CERS3: variants seen among roughly 807,000 people sequenced by gnomAD.
CERS3 encodes the protein ceramide synthase 3.
In CERS3, 33 loss-of-function variants were observed where a neutral mutation model predicts 50.3. The observed-to-expected ratio is 0.66, with a 90% CI of 0.50 to 0.88. The LOEUF (loss-of-function observed/expected upper bound fraction) is 0.88. CERS3 is among the 40% of genes least tolerant of loss of function. The probability of loss-of-function intolerance (pLI) is 0.00; values close to 1 mark genes in which losing one functional copy is unlikely to be tolerated. For synonymous variants in CERS3, 176 were observed against 155.2 expected (o/e 1.13, Z -0.99); for missense variants, 470 against 460.3 (o/e 1.02, Z -0.19).
intron 4 of CERS3, among the ~76,000 whole-genome samples, chr15:100,490,553 T>G (rs145553334): frequency 2.0e-5 from 3 of 152,160 alleles, no homozygotes; most frequent in Non-Finnish European, 4.4e-5. Context: ...TATTCCCAAA[T>G]TATGGCACTG....
intron 11 of CERS3, among the ~76,000 whole-genome samples, chr15:100,435,171 C>A (rs2033341200): frequency 6.6e-6 from 1 of 152,200 alleles, no homozygotes; most frequent in Non-Finnish European, 1.5e-5. Flanking sequence ...TAGCCCAGCA[C>A]CTCCAAAGAA....
Position 100,446,364 on chromosome 15 carries a change from GTTTT to G in CERS3, c.999+9525_999+9528del, listed in dbSNP as rs11449303. On this transcript the variant is annotated intron_variant, in intron 11 of 11. Coordinates refer to ENST00000679737, the MANE Select transcript of CERS3 (RefSeq NM_001378789.1). ...TTCAGTTCAAGAAGAAACTTCTCAGGTTTTTTTTTTTTTTTTTCTTTAGATTAAC... is the reference window on the plus strand; with the variant it reads ...TTCAGTTCAAGAAGAAACTTCTCAGGTTTTTTTTTTTTTCTTTAGATTAAC... Among the ~76,000 whole-genome samples the G allele has an allele frequency of 3.1e-5, 4 of 128,560 alleles. No individual in the cohort carries two copies. The Admixed American group carries it at 3.3e-4, about 11-fold the overall frequency. The allele number at this position is 128,560 out of a possible 152,430, so 84.3% of individuals were successfully genotyped here.
chr15:100,496,793 T>A (rs369940083), intron 3 of CERS3, among the ~76,000 whole-genome samples: 17 of 152,348 alleles, frequency 1.1e-4, no homozygotes, highest in African/African-American at 4.1e-4. Context: ...AATTTTTGTG[T>A]TGAATTAAAT....
chr15:100,421,215 G>A (rs1311710434), intron 11 of CERS3, among the ~76,000 whole-genome samples: 1 of 151,244 alleles, frequency 6.6e-6, no homozygotes, highest in East Asian at 1.9e-4. Flanking sequence ...TCCTTAAGCT[G>A]ATAAGCAACT....
chr15:100,435,115 A>G (rs973054268), intron 11 of CERS3, among the ~76,000 whole-genome samples: 1 of 152,194 alleles, frequency 6.6e-6, no homozygotes, highest in African/African-American at 2.4e-5. Flanking sequence ...AAGCCCTTTC[A>G]TTTGCAACTG....
chr15:100,436,717 A>G (rs2033423768), intron 11 of CERS3, among the ~76,000 whole-genome samples: 1 of 152,208 alleles, frequency 6.6e-6, no homozygotes, highest in South Asian at 2.1e-4. Flanking sequence ...TTGCATAATC[A>G]TAGTGATAGG....
At chr15:100,518,696 T>C (rs1348375065) in intron 2 of CERS3, among the ~76,000 whole-genome samples, 3 of 152,212 alleles carry the variant, frequency 2.0e-5, no homozygotes, top group Non-Finnish European at 2.9e-5. Flanking sequence ...TACACAGGAT[T>C]TCCTAGCTCG....
chr15:100,463,631 G>C (rs1416717851), intron 10 of CERS3, among the ~76,000 whole-genome samples: 1 of 152,068 alleles, frequency 6.6e-6, no homozygotes, highest in Non-Finnish European at 1.5e-5. Context: ...GCTCTTCTAA[G>C]GGCCCCTGTG....
rs1486855840 is a variant in CERS3, at chr15:100,401,729, T to C, written c.*984A>G. Reference sequence around the variant, plus strand: ...AGCAAGCAACCTGGCCTGGATCCCATTCCCCCGTGGAGGTCCCCAGGTACT... The same window carrying C: ...AGCAAGCAACCTGGCCTGGATCCCACTCCCCCGTGGAGGTCCCCAGGTACT... On this transcript the variant is annotated 3_prime_UTR_variant, in exon 12 of 12. Coordinates refer to ENST00000679737, the MANE Select transcript of CERS3 (RefSeq NM_001378789.1). 1 of 152,302 alleles carries C rather than the reference T, an allele frequency of 6.6e-6. No homozygotes were observed. The highest frequency in any genetic ancestry group is 1.5e-5 in the Non-Finnish European group (1 of 68,210). The allele number at this position is 152,302 out of a possible 1,614,324, so 9.4% of individuals were successfully genotyped here.
intron 11 of CERS3, among the ~76,000 whole-genome samples, chr15:100,410,327 T>C (rs2031382178): frequency 6.6e-6 from 1 of 152,140 alleles, no homozygotes; most frequent in Non-Finnish European, 1.5e-5. Context: ...TGACAAATAT[T>C]ATCAGCTTGG....
At chr15:100,442,388 G>A (rs1027367927) in intron 11 of CERS3, among the ~76,000 whole-genome samples, 5 of 152,172 alleles carry the variant, frequency 3.3e-5, no homozygotes, top group African/African-American at 7.2e-5. Context: ...CGCCTTCAAG[G>A]TGTACAATAA....
chr15:100,440,517 C>T (rs1411176416), intron 11 of CERS3, among the ~76,000 whole-genome samples: 3 of 152,194 alleles, frequency 2.0e-5, no homozygotes, highest in South Asian at 4.1e-4. Context: ...ACTCTCTATT[C>T]GGACTCAGCC....
chr15:100,417,870 CCT>C (rs2032078658), intron 11 of CERS3, among the ~76,000 whole-genome samples: 1 of 151,918 alleles, frequency 6.6e-6, no homozygotes, highest in Non-Finnish European at 1.5e-5. Flanking sequence ...AGCTGAGGGT[CCT>C]CTCTGTTAGA....
At chr15:100,474,301 G>A (rs1050805548) in intron 8 of CERS3, among the ~76,000 whole-genome samples, 1 of 152,166 alleles carries the variant, frequency 6.6e-6, no homozygotes, top group Non-Finnish European at 1.5e-5. Flanking sequence ...TCTCAATAAA[G>A]ATGTTTAAAA....
chr15:100,434,511 C>T (rs2033299125), intron 11 of CERS3, among the ~76,000 whole-genome samples: 2 of 152,220 alleles, frequency 1.3e-5, no homozygotes, highest in Non-Finnish European at 2.9e-5. Flanking sequence ...CACATCTACA[C>T]ACTGAATGAG....
At chr15:100,542,115 G>A (rs2037216230) in intron 1 of CERS3, among the ~76,000 whole-genome samples, 1 of 152,030 alleles carries the variant, frequency 6.6e-6, no homozygotes, top group Admixed American at 6.6e-5. Flanking sequence ...AGCATTAAGT[G>A]CTTCAACCTT....
chr15:100,469,965 G>A (rs117311631), intron 9 of CERS3, among the ~76,000 whole-genome samples: 2,585 of 152,218 alleles, frequency 0.017, 33 homozygotes, highest in Non-Finnish European at 0.025. Context: ...GCAAAGTTGG[G>A]AGGCAGCTCT....
Position 100,466,835 on chromosome 15 carries a change from C to CTT in CERS3, c.845+2542_845+2543insAA, listed in dbSNP as rs1347720733. The stretch of plus-strand genomic sequence containing the variant: ...TCCCTCCCTCTCTCCCTCTCTCCCT[C>CTT]TCTCCCTCTCTCTTTCTCTCTTTCT... On this transcript the variant is annotated intron_variant, in intron 10 of 11. Coordinates refer to ENST00000679737, the MANE Select transcript of CERS3 (RefSeq NM_001378789.1). Among the ~76,000 whole-genome samples the CTT allele has an allele frequency of 4.7e-4, 44 of 94,040 alleles. 3 individuals are homozygous for CTT. The highest frequency in any genetic ancestry group is 1.7e-3 in the African/African-American group (40 of 23,832). 61.7% of individuals were successfully genotyped at this position (94,040 alleles called of 152,430 possible). A position where few individuals can be genotyped will look rare whatever the true frequency, so the allele number is the denominator to read the frequency against.
intron 5 of CERS3, among the ~76,000 whole-genome samples, chr15:100,482,942 A>T (rs1482338057): frequency 6.6e-6 from 1 of 152,204 alleles, no homozygotes; most frequent in Non-Finnish European, 1.5e-5. Context: ...TCTAGTCCAT[A>T]ATAACTTTTA....
Sources: gnomAD v4.1 joint callset for allele counts (sites outside exome capture counted in the v4.1 genomes callset) on GRCh38, gnomAD v4.1.1 for gene constraint, MANE v1.5 for transcripts, NCBI Gene and HGNC (gene_info 2026-07-23, HGNC 2026-07-21) for gene names.